The following CSRNP3 variants were observed in gnomAD, a reference collection of about 807,000 sequenced individuals.
The protein encoded by CSRNP3 is cysteine and serine rich nuclear protein 3.
In CSRNP3, 12 loss-of-function variants were observed where a neutral mutation model predicts 48.0. The observed-to-expected ratio is 0.25, with a 90% CI of 0.16 to 0.41. CSRNP3 has a LOEUF of 0.41. Among genes scored for constraint, CSRNP3 ranks in the 10% least tolerant of loss-of-function variants. The pLI, the probability that CSRNP3 is intolerant of heterozygous loss-of-function variation, is 1.00. For missense variants in CSRNP3, 580 were observed against 724.4 expected, an observed-to-expected ratio of 0.80 and a Z score of 2.29; for synonymous variants, 263 against 269.7, an observed-to-expected ratio of 0.98 and a Z score of 0.24.
In CSRNP3 at chr2:165,684,745, T is replaced by G. The variant is rs1687602978; in HGVS notation, c.*4992T>G. On this transcript the variant is annotated 3_prime_UTR_variant, in exon 7 of 7. Transcript: ENST00000651982. Reference sequence around the variant, plus strand: ...AGAATTTGATTGACTTAATTGAATATCAGCAATTTTAATACCCACTAGAAT... The same window carrying G: ...AGAATTTGATTGACTTAATTGAATAGCAGCAATTTTAATACCCACTAGAAT... 6.6e-6 allele frequency: 1 copy of G among 152,038 alleles called. No homozygotes were observed. 9.4% of individuals were successfully genotyped at this position (152,038 alleles called of 1,614,324 possible).
intron 5 of CSRNP3, among the ~76,000 whole-genome samples, chr2:165,662,633 A>C (rs1687116707): frequency 6.6e-6 from 1 of 152,240 alleles, no homozygotes; most frequent in African/African-American, 2.4e-5. Flanking sequence ...ATGTATCTGT[A>C]AAGTGCATTA....
At chr2:165,496,947 C>T (rs1368170162) in intron 2 of CSRNP3, among the ~76,000 whole-genome samples, 1 of 151,960 alleles carries the variant, frequency 6.6e-6, no homozygotes, top group East Asian at 1.9e-4. Flanking sequence ...CTACAATGTT[C>T]ATTTAAACAC....
At chr2:165,491,889 A>G (rs1213583919) in intron 1 of CSRNP3, among the ~76,000 whole-genome samples, 1 of 143,898 alleles carries the variant, frequency 6.9e-6, no homozygotes, top group Non-Finnish European at 1.5e-5. Flanking sequence ...AGCATGGCAC[A>G]TGTATACATA....
intron 4 of CSRNP3, among the ~76,000 whole-genome samples, chr2:165,633,466 C>T (rs78762288): frequency 0.019 from 2,941 of 152,226 alleles, 84 homozygotes; most frequent in African/African-American, 0.065. Flanking sequence ...CATTACAAAA[C>T]GAAAGCAATT....
intron 3 of CSRNP3, among the ~76,000 whole-genome samples, chr2:165,543,075 G>T (rs961959270): frequency 6.6e-6 from 1 of 152,094 alleles, no homozygotes; most frequent in Non-Finnish European, 1.5e-5. Context: ...GAGGGTGACA[G>T]TTAGCTGGCT....
chr2:165,515,763 A>G (rs1453882827), intron 2 of CSRNP3, among the ~76,000 whole-genome samples: 2 of 134,838 alleles, frequency 1.5e-5, no homozygotes, highest in South Asian at 4.8e-4. Context: ...TAATTTAATT[A>G]TTTTGTTTTA....
chr2:165,647,326 T>G (rs1686830197), intron 4 of CSRNP3, among the ~76,000 whole-genome samples: 1 of 152,166 alleles, frequency 6.6e-6, no homozygotes, highest in African/African-American at 2.4e-5. Context: ...TTGCAGACAT[T>G]GGGATAGGAA....
At chr2:165,568,250 T>C (rs1367240563) in intron 3 of CSRNP3, among the ~76,000 whole-genome samples, 1 of 152,038 alleles carries the variant, frequency 6.6e-6, no homozygotes, top group Non-Finnish European at 1.5e-5. Context: ...TACTCATTAC[T>C]TTGCCCATAC....
chr2:165,676,588 C>G lies in CSRNP3; in HGVS notation c.685C>G (p.Leu229Val). The G allele has an allele frequency of 6.2e-7, 1 of 1,612,862 alleles. No homozygotes were observed. Among genetic ancestry groups the G allele is most frequent in the Non-Finnish European group, 8.5e-7 (1 of 1,178,852 alleles). The change falls in exon 6 of 7, where the codon CTG becomes GTG. Residue 229 changes from leucine (L) to valine (V), a missense_variant. Leu to Val is a conservative substitution (Grantham distance 32). Coordinates refer to ENST00000651982, the MANE Select transcript of CSRNP3 (RefSeq NM_001172173.2). ...FCDPDTCTCS[L>V]AGIKCQVDRM... ...TGATCCAGACACGTGCACCTGCAGC[C>G]TGGCTGGCATTAAGTGCCAGGTAAG...
chr2:165,591,990 C>T (rs1685725270), intron 3 of CSRNP3, among the ~76,000 whole-genome samples: 1 of 152,154 alleles, frequency 6.6e-6, no homozygotes, highest in South Asian at 2.1e-4. Context: ...TGACAGCTTG[C>T]ACCATGCACC....
At chr2:165,671,949 G>C (rs1687338558) in intron 5 of CSRNP3, among the ~76,000 whole-genome samples, 1 of 152,184 alleles carries the variant, frequency 6.6e-6, no homozygotes, top group South Asian at 2.1e-4. Flanking sequence ...CACAGCAAGA[G>C]TCACCTTTGC....
intron 3 of CSRNP3, among the ~76,000 whole-genome samples, chr2:165,535,709 G>A (rs1684872494): frequency 6.6e-6 from 1 of 151,706 alleles, no homozygotes; most frequent in Admixed American, 6.6e-5. Flanking sequence ...AAAATGAAGA[G>A]GGGAACACAG....
chr2:165,521,706 T>A (rs1473704737), intron 3 of CSRNP3, among the ~76,000 whole-genome samples: 3 of 152,118 alleles, frequency 2.0e-5, no homozygotes, highest in Non-Finnish European at 4.4e-5. Flanking sequence ...TCAGCACTAT[T>A]GAGATTTGGA....
intron 3 of CSRNP3, among the ~76,000 whole-genome samples, chr2:165,538,076 G>T (rs929548968): frequency 1.3e-5 from 2 of 151,816 alleles, no homozygotes; most frequent in Admixed American, 6.6e-5. Flanking sequence ...TTATTAGCAA[G>T]GACCCACTGC....
At chr2:165,600,202 C>T (rs1233357525) in intron 4 of CSRNP3, among the ~76,000 whole-genome samples, 3 of 142,548 alleles carry the variant, frequency 2.1e-5, no homozygotes, top group South Asian at 2.4e-4. Flanking sequence ...TTTGTTCTTG[C>T]GATAGTTTAC....
intron 3 of CSRNP3, among the ~76,000 whole-genome samples, chr2:165,541,339 C>T (rs952801634): frequency 2.6e-5 from 4 of 151,818 alleles, no homozygotes; most frequent in Non-Finnish European, 5.9e-5. Flanking sequence ...ATTCTTTACT[C>T]GATCACTTTT....
intron 4 of CSRNP3, among the ~76,000 whole-genome samples, chr2:165,600,231 A>G (rs1685891666): frequency 6.9e-6 from 1 of 144,610 alleles, no homozygotes; most frequent in Non-Finnish European, 1.5e-5. Flanking sequence ...ATGATTTCCA[A>G]TTTCATCCAT....
chr2:165,553,197 G>A (rs1685120335), intron 3 of CSRNP3, among the ~76,000 whole-genome samples: 1 of 151,928 alleles, frequency 6.6e-6, no homozygotes. Context: ...TATCTTTCTA[G>A]CTCTCTTCTT....
intron 2 of CSRNP3, among the ~76,000 whole-genome samples, chr2:165,514,553 A>G (rs532367171): frequency 3.6e-4 from 55 of 152,356 alleles, no homozygotes; most frequent in African/African-American, 1.3e-3. Context: ...ACAGTCTTAC[A>G]CAGTCAGTGT....
Sources: allele counts gnomAD v4.1 joint callset (sites outside exome capture counted in the v4.1 genomes callset), GRCh38; gene constraint gnomAD v4.1.1; transcripts MANE v1.5; gene names NCBI Gene and HGNC (gene_info 2026-07-23, HGNC 2026-07-21).